Variants in GSE1 observed in about 807,000 individuals in gnomAD.
GSE1 encodes the protein genetic suppressor element 1.
Under a neutral mutation model 112.6 loss-of-function variants are expected in GSE1, and 32 were observed. That is an observed-to-expected ratio of 0.28 (90% CI 0.21 to 0.38). The LOEUF (loss-of-function observed/expected upper bound fraction) is 0.38, where lower values mean the gene tolerates loss of function less well. GSE1 is among the 10% of genes least tolerant of loss of function. The pLI is 1.00. For synonymous variants in GSE1, 1,115 were observed against 735.6 expected, an observed-to-expected ratio of 1.52 and a Z score of -8.35; for missense variants, 2,348 against 1,699.2, an observed-to-expected ratio of 1.38 and a Z score of -6.71.
chr16:85,413,586 A>T (rs1033439553), intron 2 of GSE1, among the ~76,000 whole-genome samples: 1 of 152,280 alleles, frequency 6.6e-6, no homozygotes, highest in South Asian at 2.1e-4. Flanking sequence ...CACGCTTCGC[A>T]AATGGACATA....
chr16:85,650,980 T>A (rs1236281229), intron 3 of GSE1, among the ~76,000 whole-genome samples: 1 of 149,038 alleles, frequency 6.7e-6, no homozygotes, highest in Non-Finnish European at 1.5e-5. Flanking sequence ...GTCCCGCCTG[T>A]CTGACTATGG....
chr16:85,354,552 G>C (rs1015162443), intron 1 of GSE1, among the ~76,000 whole-genome samples: 29 of 152,340 alleles, frequency 1.9e-4, no homozygotes, highest in South Asian at 1.0e-3. Context: ...TCCACCCCAG[G>C]AGGGGCCTCT....
At chr16:85,275,111 G>C (rs567246083) in intron 1 of GSE1, among the ~76,000 whole-genome samples, 1 of 152,200 alleles carries the variant, frequency 6.6e-6, no homozygotes, top group East Asian at 1.9e-4. Context: ...AGCATCAGCC[G>C]ATCCGCAGAC....
upstream of GSE1, among the ~76,000 whole-genome samples, chr16:85,611,965 C>T (rs1411169645): frequency 6.6e-6 from 1 of 151,826 alleles, no homozygotes; most frequent in African/African-American, 2.4e-5. Context: ...GGGGCTGGCA[C>T]GAGGGGGCTG....
chr16:85,557,342 C>T (rs2045283090), intron 1 of GSE1, among the ~76,000 whole-genome samples: 1 of 152,068 alleles, frequency 6.6e-6, no homozygotes, highest in East Asian at 1.9e-4. Flanking sequence ...TTTTATTCCT[C>T]CCTCCCTCCG....
chr16:85,194,177 C>T (rs1365775127), intron 1 of GSE1, among the ~76,000 whole-genome samples: 1 of 152,168 alleles, frequency 6.6e-6, no homozygotes, highest in Non-Finnish European at 1.5e-5. Context: ...TCTCTCTTTG[C>T]TGCTGTTCTT....
In GSE1 at chr16:85,213,755, G is replaced by T. The variant is rs76548493; in HGVS notation, c.2283+41948G>T. Among the ~76,000 whole-genome samples, 1,149 of 152,314 alleles carry T rather than the reference G, an allele frequency of 7.5e-3. 14 individuals are homozygous for T. The highest frequency in any genetic ancestry group is 0.027 in the African/African-American group (1,114 of 41,578). On this transcript the variant is annotated intron_variant, in intron 1 of 2. Transcript: ENST00000637419. ...CCACATGACCTTGAACTGAGCTCAG[G>T]CTCTGAGCCGATTCTCAAAGAGTGA... is the stretch of plus-strand genomic sequence containing the variant.
At chr16:85,195,992 G>C (rs1033193978) in intron 1 of GSE1, among the ~76,000 whole-genome samples, 8 of 152,086 alleles carry the variant, frequency 5.3e-5, no homozygotes, top group Admixed American at 5.2e-4. Flanking sequence ...TGTTTGACAC[G>C]ACACCCCAGC....
At chr16:85,541,493 C>T (rs1441351575) in intron 2 of GSE1, among the ~76,000 whole-genome samples, 5 of 152,226 alleles carry the variant, frequency 3.3e-5, no homozygotes, top group Non-Finnish European at 5.9e-5. Context: ...TTTCTAAGTC[C>T]GGCTGGTGGG....
At chr16:85,465,157 G>T (rs1490816411) in intron 2 of GSE1, among the ~76,000 whole-genome samples, 3 of 152,370 alleles carry the variant, frequency 2.0e-5, no homozygotes, top group Admixed American at 6.5e-5. Context: ...ATATCCAGGA[G>T]TGTGGGACGG....
intron 1 of GSE1, among the ~76,000 whole-genome samples, chr16:85,276,801 C>T (rs768873252): frequency 2.6e-5 from 4 of 152,168 alleles, no homozygotes; most frequent in African/African-American, 9.7e-5. Context: ...GATGTGCTCT[C>T]GGCCCCACCC....
At chr16:85,234,043 C>G (rs1420985657) in intron 1 of GSE1, among the ~76,000 whole-genome samples, 1 of 152,138 alleles carries the variant, frequency 6.6e-6, no homozygotes, top group East Asian at 1.9e-4. Flanking sequence ...CTTGGGAACT[C>G]AGGTTCAATA....
In GSE1 at chr16:85,374,823, G is replaced by A. The variant is rs767281462; in HGVS notation, c.2464+17180G>A. 5.3e-4 allele frequency among the ~76,000 whole-genome samples: 81 copies of A among 152,278 alleles called. 1 individual carries two copies. In the Middle Eastern group the frequency reaches 0.01, roughly 19 times the overall value. On this transcript the variant is annotated intron_variant, in intron 2 of 2. Transcript: ENST00000637419. ...GGCTGCCTTCTGCCTCACTGAGGAC[G>A]GACAGCCCCCATCCTCTGTGGGGTG...
At chr16:85,628,656 C>T (rs781484946) in intron 1 of GSE1, among the ~76,000 whole-genome samples, 4 of 152,142 alleles carry the variant, frequency 2.6e-5, no homozygotes, top group East Asian at 1.9e-4. Context: ...CTTTTGTTGG[C>T]GGTGCTGACT....
chr16:85,256,208 G>A, intron 1 of GSE1, among the ~76,000 whole-genome samples: 1 of 152,124 alleles, frequency 6.6e-6, no homozygotes, highest in East Asian at 1.9e-4. Flanking sequence ...GACAGCACCG[G>A]GGGGTGGAGG....
At chr16:85,564,014 G>C (rs1423156312) in intron 1 of GSE1, among the ~76,000 whole-genome samples, 1 of 152,244 alleles carries the variant, frequency 6.6e-6, no homozygotes, top group African/African-American at 2.4e-5. Flanking sequence ...GCTGGGCAGG[G>C]CTTGCGCCAG....
intron 2 of GSE1, among the ~76,000 whole-genome samples, chr16:85,357,834 A>C (rs2046982063): frequency 6.6e-6 from 1 of 152,102 alleles, no homozygotes; most frequent in South Asian, 2.1e-4. Flanking sequence ...TTAGGGTTCC[A>C]AAACCGTAGT....
chr16:85,315,544 G>C (rs925464900), intron 1 of GSE1, among the ~76,000 whole-genome samples: 4 of 152,026 alleles, frequency 2.6e-5, no homozygotes, highest in African/African-American at 9.7e-5. Flanking sequence ...GGGCTCCCTC[G>C]TTCATTCCGT....
intron 1 of GSE1, among the ~76,000 whole-genome samples, chr16:85,224,336 A>C (rs2075446452): frequency 6.8e-6 from 1 of 146,160 alleles, no homozygotes; most frequent in Non-Finnish European, 1.5e-5. Context: ...AAAAAAGGGA[A>C]CACACAGGGG....
Sources: allele counts gnomAD v4.1 joint callset (sites outside exome capture counted in the v4.1 genomes callset), GRCh38; gene constraint gnomAD v4.1.1; transcripts MANE v1.5; gene names NCBI Gene and HGNC (gene_info 2026-07-23, HGNC 2026-07-21).